Variants in PCOLCE2 observed in about 807,000 individuals in gnomAD.
PCOLCE2 encodes procollagen C-proteinase enhancer 2.
PCOLCE2 carries 42 observed loss-of-function variants against 47.0 expected under a neutral mutation model. That is an observed-to-expected ratio of 0.89 (90% confidence interval 0.70 to 1.16). The LOEUF (loss-of-function observed/expected upper bound fraction) is 1.16. PCOLCE2 is among the 50% of genes most tolerant of loss of function. The pLI is 0.00. For missense variants in PCOLCE2, 500 were observed against 526.1 expected (o/e 0.95, Z 0.49); for synonymous variants, 169 against 191.7 (o/e 0.88, Z 0.98).
At chr3:142,878,064 C>T (rs1933534676) in intron 2 of PCOLCE2, among the ~76,000 whole-genome samples, 1 of 152,166 alleles carries the variant, frequency 6.6e-6, no homozygotes, top group South Asian at 2.1e-4. Flanking sequence ...CCTGGGTTCC[C>T]TGTGCTTTTC....
Position 142,872,407 on chromosome 3 carries a change from C to T in PCOLCE2, c.192+15262G>A, listed in dbSNP as rs556602984. ...CTCTTCAGGATCTACCCCACTTCCT[C>T]CTCAACAACCTCAGCTTCTACAACC... On this transcript the variant is annotated intron_variant, in intron 2 of 8. Coordinates refer to ENST00000295992, the MANE Select transcript of PCOLCE2 (RefSeq NM_013363.4). 4.7e-4 allele frequency among the ~76,000 whole-genome samples: 72 copies of T among 152,142 alleles called. 3 individuals are homozygous for T. Among genetic ancestry groups the T allele is most frequent in the Non-Finnish European group, 5.9e-5 (4 of 68,038 alleles).
rs1933775316 is a variant in PCOLCE2 at position 142,889,075 on chromosome 3, G to C, written c.-179C>G. 2 of 383,472 alleles carry C rather than the reference G, an allele frequency of 5.2e-6. No individual in the cohort carries two copies. The highest frequency in any genetic ancestry group is 9.2e-6 in the Non-Finnish European group (2 of 216,774). 23.8% of individuals were successfully genotyped at this position (383,472 alleles called of 1,614,324 possible). A position where few individuals can be genotyped will look rare whatever the true frequency, so the allele number is the denominator to read the frequency against. ...CCGCCGCGGGGCGGCCCAGGTAGCCGGGGGATACGCGGCCGGCAGGGCGGA... is the reference window on the plus strand; with the variant it reads ...CCGCCGCGGGGCGGCCCAGGTAGCCCGGGGATACGCGGCCGGCAGGGCGGA... On this transcript the variant is annotated 5_prime_UTR_variant, in exon 1 of 9. Transcript: ENST00000295992.
chr3:142,846,389 G>A (rs997708892), intron 3 of PCOLCE2, among the ~76,000 whole-genome samples: 6 of 152,152 alleles, frequency 3.9e-5, no homozygotes, highest in African/African-American at 7.2e-5. Flanking sequence ...TAGCAGAGAC[G>A]GGGTGTCACC....
rs368166933 is a variant in PCOLCE2 at position 142,878,016 on chromosome 3, A to G, written c.192+9653T>C. 2.0e-5 allele frequency among the ~76,000 whole-genome samples: 3 copies of G among 152,172 alleles called. No individual in the cohort carries two copies. The East Asian group carries it at 5.8e-4, about 29-fold the overall frequency. On this transcript the variant is annotated intron_variant, in intron 2 of 8. Transcript: ENST00000295992. ...TGTGTCTAGCAATCAAACCCTTATC[A>G]TTCATTTCCAGGAGCATTTAGCAGG...
chr3:142,879,893 C>T (rs955784768), intron 2 of PCOLCE2, among the ~76,000 whole-genome samples: 3 of 150,446 alleles, frequency 2.0e-5, no homozygotes, highest in Non-Finnish European at 4.4e-5. Context: ...ATAGTGTGAA[C>T]CCAGGAGGCA....
chr3:142,876,132 T>C (rs1350203339), intron 2 of PCOLCE2, among the ~76,000 whole-genome samples: 1 of 152,208 alleles, frequency 6.6e-6, no homozygotes, highest in Admixed American at 6.5e-5. Context: ...CATTCTTACA[T>C]CACCATCCTA....
chr3:142,869,148 G>A (rs1360964565), intron 2 of PCOLCE2, among the ~76,000 whole-genome samples: 5 of 152,034 alleles, frequency 3.3e-5, no homozygotes, highest in East Asian at 1.9e-4. Flanking sequence ...AAAATTAGCC[G>A]GGCGTGGTGG....
intron 2 of PCOLCE2, among the ~76,000 whole-genome samples, chr3:142,854,594 C>A (rs1227678365): frequency 6.6e-6 from 1 of 152,028 alleles, no homozygotes; most frequent in Non-Finnish European, 1.5e-5. Flanking sequence ...TGAACATTTT[C>A]TTTTGTTTTT....
Position 142,820,948 on chromosome 3 carries a change from A to T in PCOLCE2, c.1047T>A (p.Ile349=). 6.2e-7 allele frequency: 1 copy of T among 1,614,104 alleles called. No individual in the cohort carries two copies. The highest frequency in any genetic ancestry group is 8.5e-7 in the Non-Finnish European group (1 of 1,179,994). ...CACTCATGTTCTTGCCCGCCTGCTG[A>T]ATCGCCAAATTTCCCTCTTTGTAGA... ...INIYKEGNLA[I]QQAGKNMSAR... is the part of the protein sequence containing the mutation. The change falls in exon 8 of 9, where the codon ATT becomes ATA. Residue 349 remains isoleucine (I), a synonymous_variant. Transcript: ENST00000295992.
At chr3:142,880,915 ATTATTT>A (rs1174678708) in intron 2 of PCOLCE2, among the ~76,000 whole-genome samples, 1 of 152,230 alleles carries the variant, frequency 6.6e-6, no homozygotes, top group Non-Finnish European at 1.5e-5. Context: ...CGAAGCAATA[ATTATTT>A]TTATCTTAAC....
rs144402550 is a variant in PCOLCE2 at position 142,833,228 on chromosome 3, G to A, written c.711-3382C>T. ...TTTTGAGACAAGGTCTCACTCTGTCGCCCAGGCTGGAGTGCAGTGGCATGG... is the reference window on the plus strand; with the variant it reads ...TTTTGAGACAAGGTCTCACTCTGTCACCCAGGCTGGAGTGCAGTGGCATGG... On this transcript the variant is annotated intron_variant, in intron 5 of 8. Coordinates refer to ENST00000295992, the MANE Select transcript of PCOLCE2 (RefSeq NM_013363.4). 1.9e-3 allele frequency among the ~76,000 whole-genome samples: 290 copies of A among 151,894 alleles called. 2 individuals carry two copies. The highest frequency in any genetic ancestry group is 6.8e-3 in the Middle Eastern group (2 of 294).
At chr3:142,872,071 GGA>G (rs1933400408) in intron 2 of PCOLCE2, among the ~76,000 whole-genome samples, 2 of 152,054 alleles carry the variant, frequency 1.3e-5, no homozygotes, top group Non-Finnish European at 2.9e-5. Flanking sequence ...AGCCCCTACA[GGA>G]TACTGAAAAC....
chr3:142,825,966 G>A (rs548304461), intron 6 of PCOLCE2, among the ~76,000 whole-genome samples: 9 of 150,122 alleles, frequency 6.0e-5, no homozygotes, highest in Non-Finnish European at 8.9e-5. Context: ...CTAACCTCCC[G>A]TGCTGCCACT....
chr3:142,828,319 T>C (rs1190986932), intron 6 of PCOLCE2, among the ~76,000 whole-genome samples: 1 of 152,178 alleles, frequency 6.6e-6, no homozygotes, highest in African/African-American at 2.4e-5. Context: ...TCCCATGTGG[T>C]CCAATCTGGT....
intron 2 of PCOLCE2, among the ~76,000 whole-genome samples, chr3:142,884,538 C>A (rs1483831141): frequency 6.6e-6 from 1 of 152,190 alleles, no homozygotes; most frequent in Non-Finnish European, 1.5e-5. Flanking sequence ...ACAAAATATT[C>A]AACTATTTCT....
At chr3:142,827,573 C>A (rs1230688432) in intron 6 of PCOLCE2, 1 of 1,472,580 alleles carries the variant, frequency 6.8e-7, no homozygotes, top group Non-Finnish European at 9.5e-7. Flanking sequence ...GAGCACACTG[C>A]CAATGTTGAG....
At chr3:142,826,276 G>C (rs1025609598) in intron 6 of PCOLCE2, among the ~76,000 whole-genome samples, 2 of 152,132 alleles carry the variant, frequency 1.3e-5, no homozygotes, top group African/African-American at 4.8e-5. Context: ...CAAAGTTCTG[G>C]GATTACAGGT....
intron 2 of PCOLCE2, among the ~76,000 whole-genome samples, chr3:142,880,728 G>A (rs1272442020): frequency 1.3e-5 from 2 of 152,120 alleles, no homozygotes; most frequent in African/African-American, 4.8e-5. Context: ...TTATAAAATT[G>A]CCCTCAAGGC....
At chr3:142,883,825 G>A (rs192904184) in intron 2 of PCOLCE2, among the ~76,000 whole-genome samples, 66 of 152,250 alleles carry the variant, frequency 4.3e-4, no homozygotes, top group African/African-American at 1.4e-3. Context: ...ATGATTTGCC[G>A]AGTTTGCAAT....
Sources: gnomAD v4.1 joint callset for allele counts (sites outside exome capture counted in the v4.1 genomes callset) on GRCh38, gnomAD v4.1.1 for gene constraint, MANE v1.5 for transcripts, NCBI Gene and HGNC (gene_info 2026-07-23, HGNC 2026-07-21) for gene names.